Variants in SLC5A10 observed in about 807,000 individuals in gnomAD.
SLC5A10 encodes solute carrier family 5 member 10.
SLC5A10 carries 55 observed loss-of-function variants against 68.9 expected under a neutral mutation model. The ratio of observed to expected loss-of-function variants is 0.80; its 90% CI spans 0.64 to 1.00. The LOEUF (loss-of-function observed/expected upper bound fraction) is 1.00. Ranked by LOEUF, SLC5A10 falls within the 50% of genes least tolerant of loss-of-function variation. The pLI is 0.00. For synonymous variants in SLC5A10, 344 were observed against 344.8 expected (o/e 1.00, Z 0.02); for missense variants, 732 against 819.3 (o/e 0.89, Z 1.30).
In SLC5A10 at chr17:19,019,753, CCACGAGG is replaced by C; in HGVS notation, c.1453_1459del (p.Thr485TrpfsTer6). ...CTGATAGCAGGGCTGGTGGTGGGGG[CCACGAGG>C]CTGGTCCTGGAATTCCTGAACCCAG... On this transcript the variant is annotated frameshift_variant, in exon 13 of 15. Coordinates refer to ENST00000395645, the MANE Select transcript of SLC5A10 (RefSeq NM_001042450.4). LOFTEE classifies it high-confidence loss of function. 6.2e-7 allele frequency: 1 copy of C among 1,612,346 alleles called. No homozygotes were observed. Among genetic ancestry groups the C allele is most frequent in the Non-Finnish European group, 8.5e-7 (1 of 1,179,724 alleles).
Position 19,015,193 on chromosome 17 carries a change from T to TGGGACGGTACGGGGGTGG in SLC5A10, c.1239_1241+15dup. On this transcript the variant is annotated inframe_insertion, in exon 11 of 15. Transcript: ENST00000395645. ...TCCGGCGAGCGGGAGCTCCTGCTGG[T>TGGGACGGTACGGGGGTGG]GGGACGGTACGGGGGTGGGGGCCAG... 1.2e-5 allele frequency: 4 copies of TGGGACGGTACGGGGGTGG among 340,056 alleles called. No homozygotes were observed. The highest frequency in any genetic ancestry group is 6.6e-4 in the Middle Eastern group (1 of 1,518). 21.1% of individuals were successfully genotyped at this position (340,056 alleles called of 1,614,324 possible). A position where few individuals can be genotyped will look rare whatever the true frequency, so the allele number is the denominator to read the frequency against.
In SLC5A10 at chr17:19,000,327, G is replaced by A. The variant is rs540609296; in HGVS notation, c.983-13083G>A. On this transcript the variant is annotated intron_variant, in intron 9 of 14. Transcript: ENST00000395645. The surrounding 1 kb of genome is among the most constrained non-coding windows in gnomAD (Gnocchi z 5.2). ...CACAGGGCAGCAAGGTGTCAGGGCTGAAGGGGCCCCTAACAGTCTTCAATA... is the reference window on the plus strand; with the variant it reads ...CACAGGGCAGCAAGGTGTCAGGGCTAAAGGGGCCCCTAACAGTCTTCAATA... Among the ~76,000 whole-genome samples the A allele has an allele frequency of 3.7e-4, 56 of 152,208 alleles. 1 individual carries two copies. The highest frequency in any genetic ancestry group is 6.9e-4 in the Non-Finnish European group (47 of 68,030).
chr17:18,959,308 G>C lies in SLC5A10; in HGVS notation c.288+69G>C, dbSNP rs569744995. ...AGGATGTGGTCGCAGCACTGGAGGG[G>C]GACAGCTCCCAGTGGCTGGTGTCAG... On this transcript the variant is annotated intron_variant, in intron 3 of 14. Transcript: ENST00000395645. 650 of 1,495,528 alleles carry C rather than the reference G, an allele frequency of 4.3e-4. 1 individual carries two copies. Among genetic ancestry groups the C allele is most frequent in the Non-Finnish European group, 5.9e-4 (639 of 1,083,252 alleles). 92.6% of individuals were successfully genotyped at this position (1,495,528 alleles called of 1,614,324 possible).
chr17:18,984,838 C>T (rs1224427555), intron 9 of SLC5A10, among the ~76,000 whole-genome samples: 1 of 152,232 alleles, frequency 6.6e-6, no homozygotes, highest in Non-Finnish European at 1.5e-5. Flanking sequence ...GGCCTGCTCC[C>T]TATTTGTCAT....
In SLC5A10 at chr17:19,021,885, T is replaced by TG; in HGVS notation, c.*1459dup. The TG allele has an allele frequency of 7.2e-7, 1 of 1,391,070 alleles. No homozygotes were observed. The highest frequency in any genetic ancestry group is 9.4e-7 in the Non-Finnish European group (1 of 1,063,850). 86.2% of individuals were successfully genotyped at this position (1,391,070 alleles called of 1,614,324 possible). ...GAGCCCCGTGTGACTCTGACAGAGCTGGGGGTGTCCATGTCCTCTCTGGAC... is the reference window on the plus strand; with the variant it reads ...GAGCCCCGTGTGACTCTGACAGAGCTGGGGGGTGTCCATGTCCTCTCTGGAC... On this transcript the variant is annotated 3_prime_UTR_variant, in exon 15 of 15. Transcript: ENST00000395645. This position sits in a 1 kb window ranked among gnomAD's most constrained non-coding sequence, Gnocchi z 4.1.
rs56122861 is a variant in SLC5A10 at position 19,015,216 on chromosome 17, C to CGGTACGGGGGTGGGGGCA, written c.1241+17_1241+18insGGTACGGGGGTGGGGGCA. The stretch of plus-strand genomic sequence containing the variant: ...GGTGGGACGGTACGGGGGTGGGGGC[C>CGGTACGGGGGTGGGGGCA]AGTACGGGGGTGGGGGAACACTACA... On this transcript the variant is annotated intron_variant, in intron 11 of 14. Transcript: ENST00000395645. 1.2e-5 allele frequency: 11 copies of CGGTACGGGGGTGGGGGCA among 939,702 alleles called. 3 individuals are homozygous for CGGTACGGGGGTGGGGGCA. Among genetic ancestry groups the CGGTACGGGGGTGGGGGCA allele is most frequent in the South Asian group, 4.0e-5 (2 of 50,210 alleles). The allele number at this position is 939,702 out of a possible 1,614,324, so 58.2% of individuals were successfully genotyped here. A position where few individuals can be genotyped will look rare whatever the true frequency, so the allele number is the denominator to read the frequency against.
At chr17:18,952,472 C>A (rs1186040627) in intron 1 of SLC5A10, 156 bp downstream of exon 1, 2 of 844,282 alleles carry the variant, frequency 2.4e-6, no homozygotes, top group Non-Finnish European at 3.6e-6. Context: ...GGTAGACTTG[C>A]TTGGAGACCT....
chr17:19,013,548 AG>A (rs1188666082), intron 10 of SLC5A10, 31 bp downstream of exon 10: 1 of 1,411,836 alleles, frequency 7.1e-7, no homozygotes, highest in Non-Finnish European at 9.2e-7. Context: ...GTCTGGGTGG[AG>A]GGCGTGGGGT....
intron 9 of SLC5A10, chr17:18,979,305 G>A: frequency 3.6e-6 from 2 of 558,426 alleles, no homozygotes; most frequent in South Asian, 2.2e-5. Flanking sequence ...CGAAGGCACG[G>A]CCTGGCCACA....
intron 10 of SLC5A10, 55 bp downstream of exon 10, chr17:19,013,572 C>G: frequency 7.4e-7 from 1 of 1,347,422 alleles, no homozygotes; most frequent in Non-Finnish European, 9.5e-7. Flanking sequence ...GACTTGGGGC[C>G]CAATGAGTAT....
intron 9 of SLC5A10, chr17:18,988,322 G>A: frequency 1.9e-6 from 3 of 1,614,242 alleles, no homozygotes; most frequent in Non-Finnish European, 2.5e-6. Flanking sequence ...CATCCACGAT[G>A]ATGTACACGG....
At chr17:18,977,077 C>T (rs776136950) in intron 9 of SLC5A10, 88 bp downstream of exon 9, 2 of 1,559,448 alleles carry the variant, frequency 1.3e-6, no homozygotes, top group Non-Finnish European at 1.7e-6. Flanking sequence ...GAAGAAGAGG[C>T]AAAGGATAGA....
chr17:19,004,064 C>A lies in SLC5A10; in HGVS notation c.983-9346C>A. 1 of 1,559,794 alleles carries A rather than the reference C, an allele frequency of 6.4e-7. No homozygotes were observed. Among genetic ancestry groups the A allele is most frequent in the Non-Finnish European group, 8.7e-7 (1 of 1,151,770 alleles). On this transcript the variant is annotated intron_variant, in intron 9 of 14. Transcript: ENST00000395645. The surrounding 1 kb of genome is among the most constrained non-coding windows in gnomAD (Gnocchi z 5.4). ...CATGGCGCCGCCTGCCCGGGCACTG[C>A]TGCCGGGGGTGGGTGGGCAAGGTCC...
At chr17:18,955,319 G>A (rs2042476389) in intron 1 of SLC5A10, among the ~76,000 whole-genome samples, 1 of 152,124 alleles carries the variant, frequency 6.6e-6, no homozygotes, top group African/African-American at 2.4e-5. Flanking sequence ...TGAAATCCAG[G>A]CTGCACCACT....
chr17:18,977,094 C>A (rs752518946), intron 9 of SLC5A10, 105 bp downstream of exon 9: 8 of 1,501,008 alleles, frequency 5.3e-6, no homozygotes, highest in East Asian at 4.6e-5. Flanking sequence ...TAGATGTGAA[C>A]TGTTCCCCAA....
At chr17:19,011,606 AG>A (rs1322135037) in intron 9 of SLC5A10, among the ~76,000 whole-genome samples, 1 of 151,494 alleles carries the variant, frequency 6.6e-6, no homozygotes, top group Non-Finnish European at 1.5e-5. Flanking sequence ...GAGGCTGGGG[AG>A]GAGCATGGGA....
intron 9 of SLC5A10, among the ~76,000 whole-genome samples, chr17:19,001,853 T>G (rs2043737032): frequency 6.6e-6 from 1 of 152,328 alleles, no homozygotes; most frequent in East Asian, 1.9e-4. Context: ...GCCTCCTTCC[T>G]GTCGCTGACA....
In SLC5A10 at chr17:18,971,269, C is replaced by T. The variant is rs369233218; in HGVS notation, c.846+51C>T. The T allele has an allele frequency of 3.0e-5, 48 of 1,611,450 alleles. No homozygotes were observed. Among genetic ancestry groups the T allele is most frequent in the Non-Finnish European group, 3.8e-5 (45 of 1,178,364 alleles). On this transcript the variant is annotated intron_variant, in intron 8 of 14. Transcript: ENST00000395645. The surrounding 1 kb of genome is among the most constrained non-coding windows in gnomAD (Gnocchi z 5.5). Reference sequence around the variant, plus strand: ...CCCACCTTCCTGCCGTCCCAGTGGGCTCTGGTAGGCCCAGGCGGCCTGTCT... The same window carrying T: ...CCCACCTTCCTGCCGTCCCAGTGGGTTCTGGTAGGCCCAGGCGGCCTGTCT...
chr17:19,001,358 C>T (rs1439993657), intron 9 of SLC5A10, among the ~76,000 whole-genome samples: 1 of 152,204 alleles, frequency 6.6e-6, no homozygotes, highest in African/African-American at 2.4e-5. Context: ...AGCTTAGTCT[C>T]TACTGCCTCT....
Sources: allele counts gnomAD v4.1 joint callset (sites outside exome capture counted in the v4.1 genomes callset), GRCh38; gene constraint gnomAD v4.1.1; non-coding constraint Gnocchi (gnomAD v3.1); transcripts MANE v1.5; gene names NCBI Gene and HGNC (gene_info 2026-07-23, HGNC 2026-07-21).